PRRC2C: variants seen among roughly 807,000 people sequenced by gnomAD.
PRRC2C encodes the protein protein PRRC2C.
A neutral mutation model predicts 317.2 loss-of-function variants in PRRC2C; 72 were observed. The ratio of observed to expected loss-of-function variants is 0.23; its 90% confidence interval spans 0.19 to 0.28. PRRC2C has a LOEUF of 0.28. Among genes scored for constraint, PRRC2C ranks in the 10% least tolerant of loss-of-function variants. The pLI, the probability that PRRC2C is intolerant of heterozygous loss-of-function variation, is 1.00. For synonymous variants in PRRC2C, 1,296 were observed against 1,205.9 expected, an observed-to-expected ratio of 1.07 and a Z score of -1.55; for missense variants, 3,074 against 3,459.7, an observed-to-expected ratio of 0.89 and a Z score of 2.80.
At position 171,584,067 on chromosome 1, in the gene PRRC2C, A is replaced by G. The variant is rs753713692; in HGVS notation, c.7521A>G (p.Gln2507=). The change falls in exon 29 of 35, where the codon CAA becomes CAG. Residue 2507 remains glutamine (Q), a synonymous_variant. Coordinates refer to ENST00000647382, the MANE Select transcript of PRRC2C (RefSeq NM_001387844.1). Reference sequence around the variant, plus strand: ...AACACCAAGAACTTGCCAAGGCACAATCCGGTCTTGCCTTTCAGCAAACAT... The same window carrying G: ...AACACCAAGAACTTGCCAAGGCACAGTCCGGTCTTGCCTTTCAGCAAACAT... ...TVQHQELAKA[Q]SGLAFQQTSN... 4.3e-6 allele frequency: 7 copies of G among 1,613,984 alleles called. No homozygotes were observed. The highest frequency in any genetic ancestry group is 1.6e-4 in the Middle Eastern group (1 of 6,062).
At chr1:171,550,699 T>C (rs1680056109) in intron 18 of PRRC2C, among the ~76,000 whole-genome samples, 1 of 148,140 alleles carries the variant, frequency 6.8e-6, no homozygotes. Flanking sequence ...TTCCTACCTA[T>C]GAGTGAGAAC....
intron 5 of PRRC2C, among the ~76,000 whole-genome samples, chr1:171,516,892 A>G (rs1672478678): frequency 6.6e-6 from 1 of 152,214 alleles, no homozygotes; most frequent in African/African-American, 2.4e-5. Context: ...CCTCCACCCA[A>G]GACAGAAGCC....
rs552376331 is a variant in PRRC2C, at chr1:171,515,662, A to G, written c.401-72A>G. On this transcript the variant is annotated intron_variant, in intron 4 of 34. Transcript: ENST00000647382. ...TTAAGAGAAAGAGGCAGAGAGCTCT[A>G]TCCTGGGAGGGTGGTTTGTATTATC... 9.6e-5 allele frequency: 122 copies of G among 1,266,392 alleles called. No individual in the cohort carries two copies. In the South Asian group the frequency reaches 1.8e-3, roughly 19 times the overall value. 78.4% of individuals were successfully genotyped at this position (1,266,392 alleles called of 1,614,324 possible). A position where few individuals can be genotyped will look rare whatever the true frequency, so the allele number is the denominator to read the frequency against.
At chr1:171,523,079 T>C in intron 7 of PRRC2C, 142 bp from the exon 8 acceptor site, 1 of 701,880 alleles carries the variant, frequency 1.4e-6, no homozygotes, top group East Asian at 2.8e-5. Context: ...AATTTTTTCA[T>C]ACACATGTCC....
chr1:171,588,647 AT>A, intron 33 of PRRC2C, 142 bp downstream of exon 33: 2 of 976,602 alleles, frequency 2.0e-6, no homozygotes, highest in South Asian at 3.5e-5. Context: ...CAATAAATTT[AT>A]TTTATAAAGA....
At chr1:171,493,265 T>C (rs1667512294) in intron 1 of PRRC2C, among the ~76,000 whole-genome samples, 1 of 152,236 alleles carries the variant, frequency 6.6e-6, no homozygotes, top group Non-Finnish European at 1.5e-5. Context: ...TAATTCATAA[T>C]GCTAGATGAG....
At chr1:171,486,125 T>G (rs1666026573) in intron 1 of PRRC2C, among the ~76,000 whole-genome samples, 1 of 150,554 alleles carries the variant, frequency 6.6e-6, no homozygotes, top group Non-Finnish European at 1.5e-5. Context: ...TTTTTTTTTT[T>G]TTTTAGTGTC....
chr1:171,532,828 A>T lies in PRRC2C; in HGVS notation c.1740A>T (p.Gln580His), dbSNP rs760174035. The change falls in exon 12 of 35, where the codon CAA becomes CAT. Residue 580 changes from glutamine to histidine, a missense_variant. Physicochemically the swap from Gln to His is conservative, Grantham distance 24. This residue lies in a region of PRRC2C where 1,320 missense variants were observed against 1,395.7 expected (regional missense o/e 0.95). Coordinates refer to ENST00000647382, the MANE Select transcript of PRRC2C (RefSeq NM_001387844.1). ...AGAAAGAAAAGGAAAAAGAACTACA[A>T]AAGATGAAAGAACAAGAAAAGGAAT... ...ERQKEKEKEL[Q>H]KMKEQEKECE... The T allele has an allele frequency of 1.3e-6, 2 of 1,597,252 alleles. No homozygotes were observed. Among genetic ancestry groups the T allele is most frequent in the Non-Finnish European group, 1.7e-6 (2 of 1,174,576 alleles).
chr1:171,591,886 G>T lies in PRRC2C; in HGVS notation c.*39G>T. The T allele has an allele frequency of 4.0e-5, 19 of 475,624 alleles. No individual in the cohort carries two copies. The highest frequency in any genetic ancestry group is 1.1e-4 in the South Asian group (5 of 47,560). The allele number at this position is 475,624 out of a possible 1,614,324, so 29.5% of individuals were successfully genotyped here. Reference sequence around the variant, plus strand: ...TTGCAGGGGATTGGGAGGGGGGCGGGAAAACATGGAGAATTAAGTCAGATA... The same window carrying T: ...TTGCAGGGGATTGGGAGGGGGGCGGTAAAACATGGAGAATTAAGTCAGATA... On this transcript the variant is annotated 3_prime_UTR_variant, in exon 35 of 35. Coordinates refer to ENST00000647382, the MANE Select transcript of PRRC2C (RefSeq NM_001387844.1).
chr1:171,508,152 T>C (rs1670606762), intron 1 of PRRC2C, among the ~76,000 whole-genome samples: 1 of 152,198 alleles, frequency 6.6e-6, no homozygotes, highest in African/African-American at 2.4e-5. Flanking sequence ...TTGGTCTGAT[T>C]GTTGTTGCTA....
At chr1:171,539,727 A>C (rs1449723202) in intron 15 of PRRC2C, among the ~76,000 whole-genome samples, 1 of 152,180 alleles carries the variant, frequency 6.6e-6, no homozygotes, top group Admixed American at 6.5e-5. Context: ...TTTATCCCTG[A>C]ATAATATTCT....
intron 1 of PRRC2C, among the ~76,000 whole-genome samples, chr1:171,489,333 A>G (rs1188887637): frequency 2.0e-5 from 3 of 152,204 alleles, no homozygotes; most frequent in African/African-American, 4.8e-5. Context: ...TTCAACAAAG[A>G]TTGAAGATTC....
intron 1 of PRRC2C, among the ~76,000 whole-genome samples, chr1:171,500,462 A>G (rs973168928): frequency 6.6e-6 from 1 of 152,052 alleles, no homozygotes; most frequent in Non-Finnish European, 1.5e-5. Flanking sequence ...GGACTGGTGC[A>G]ATCATAGCTC....
chr1:171,536,074 G>T lies in PRRC2C; in HGVS notation c.2089G>T (p.Val697Leu), dbSNP rs1489762006. 6.4e-7 allele frequency: 1 copy of T among 1,553,240 alleles called. No individual in the cohort carries two copies. Among genetic ancestry groups the T allele is most frequent in the African/African-American group, 1.4e-5 (1 of 73,296 alleles). Residue 697 changes from valine to leucine, a missense_variant, in exon 14 of 35, where the codon GTA (valine) becomes TTA (leucine). Around this residue, in one of 11 missense-constraint regions of PRRC2C, gnomAD observed 1,320 missense variants for 1,395.7 expected, o/e 0.95. Coordinates refer to ENST00000647382, the MANE Select transcript of PRRC2C (RefSeq NM_001387844.1). Reference sequence around the variant, plus strand: ...GTGGCAGCAGCAGCAACAGCAAGGTGTACTTCCACAGACTGTTCCTTCACA... The same window carrying T: ...GTGGCAGCAGCAGCAACAGCAAGGTTTACTTCCACAGACTGTTCCTTCACA... The part of the protein sequence containing the change: ...QQWQQQQQQG[V>L]LPQTVPSQPS...
At chr1:171,528,722 T>C (rs1466377082) in intron 11 of PRRC2C, among the ~76,000 whole-genome samples, 1 of 152,212 alleles carries the variant, frequency 6.6e-6, no homozygotes, top group Admixed American at 6.5e-5. Flanking sequence ...AGTGATGACT[T>C]CCATCTTGAC....
intron 10 of PRRC2C, among the ~76,000 whole-genome samples, chr1:171,526,418 A>G (rs764856576): frequency 4.6e-5 from 7 of 152,014 alleles, no homozygotes; most frequent in South Asian, 2.1e-4. Flanking sequence ...GCTCACTGCA[A>G]CCTCCACCTC....
intron 3 of PRRC2C, 87 bp downstream of exon 3, chr1:171,513,259 A>T: frequency 1.4e-5 from 18 of 1,318,046 alleles, no homozygotes; most frequent in Non-Finnish European, 1.9e-5. Context: ...GCTAAGTGTT[A>T]TGCTGTCTGT....
chr1:171,532,603 A>G lies in PRRC2C; in HGVS notation c.1515A>G (p.Glu505=), dbSNP rs142020815. The change falls in exon 12 of 35, where the codon GAA becomes GAG. Residue 505 remains glutamate, a synonymous_variant. Coordinates refer to ENST00000647382, the MANE Select transcript of PRRC2C (RefSeq NM_001387844.1). ...GILEKQPSPE[E]IREREREKER... is the part of the protein sequence containing the mutation. ...TGGAAAAACAACCATCTCCAGAGGA[A>G]ATTAGGGAAAGGGAGCGAGAAAAAG... The G allele has an allele frequency of 7.6e-5, 118 of 1,555,774 alleles. No homozygotes were observed. Among genetic ancestry groups the G allele is most frequent in the Non-Finnish European group, 1.0e-4 (115 of 1,149,492 alleles).
At position 171,541,891 on chromosome 1, in the gene PRRC2C, G is replaced by A. The variant is rs1484353118; in HGVS notation, c.4425G>A (p.Gly1475=). Residue 1475 remains glycine (G), a synonymous_variant, in exon 16 of 35, where the codon GGG becomes GGA. Coordinates refer to ENST00000647382, the MANE Select transcript of PRRC2C (RefSeq NM_001387844.1). The surrounding 1 kb of genome is among the most constrained non-coding windows in gnomAD (Gnocchi z 4.1). ...NVAQEPVNTL[G]DISGNKTPDL... ...CTCAAGAACCAGTTAATACTCTTGG[G>A]GATATTTCCGGGAATAAGACACCAG... 6.2e-7 allele frequency: 1 copy of A among 1,613,730 alleles called. No homozygotes were observed. The highest frequency in any genetic ancestry group is 1.1e-5 in the South Asian group (1 of 91,072).
Sources: allele counts gnomAD v4.1 joint callset (sites outside exome capture counted in the v4.1 genomes callset), GRCh38; gene constraint gnomAD v4.1.1; regional missense constraint gnomAD v4.1.1; non-coding constraint Gnocchi (gnomAD v3.1); transcripts MANE v1.5; gene names NCBI Gene and HGNC (gene_info 2026-07-23, HGNC 2026-07-21).